Variants in ARID1A observed in about 807,000 individuals in gnomAD.
ARID1A encodes the protein AT-rich interaction domain 1A.
A neutral mutation model predicts 212.6 loss-of-function variants in ARID1A; 20 were observed. The ratio of observed to expected loss-of-function variants is 0.09; its 90% CI spans 0.07 to 0.14. The LOEUF (loss-of-function observed/expected upper bound fraction) is 0.14, where lower values mean the gene tolerates loss of function less well. Ranked by LOEUF, ARID1A falls within the 10% of genes least tolerant of loss-of-function variation. ARID1A has a pLI of 1.00. For missense variants in ARID1A, 2,587 were observed against 3,059.0 expected (o/e 0.85, Z 3.64); for synonymous variants, 1,376 against 1,222.1 (o/e 1.13, Z -2.63).
chr1:26,766,710 C>T, intron 10 of ARID1A, 144 bp downstream of exon 10: 1 of 867,814 alleles, frequency 1.2e-6, no homozygotes, highest in Non-Finnish European at 1.7e-6. Flanking sequence ...GTTGCCTCCT[C>T]TTATCATGAA....
chr1:26,724,164 G>A (rs1171277824), intron 1 of ARID1A, among the ~76,000 whole-genome samples: 2 of 152,094 alleles, frequency 1.3e-5, no homozygotes, highest in African/African-American at 2.4e-5. Context: ...ATACTTAAAT[G>A]TCCAAAAGCC....
Position 26,780,861 on chromosome 1 carries a change from AC to A in ARID1A, c.*108del, listed in dbSNP as rs1239740672. 1.6e-5 allele frequency: 23 copies of A among 1,436,840 alleles called. No individual in the cohort carries two copies. The African/African-American group carries it at 3.1e-4, about 20-fold the overall frequency. The allele number at this position is 1,436,840 out of a possible 1,614,324, so 89.0% of individuals were successfully genotyped here. A position where few individuals can be genotyped will look rare whatever the true frequency, so the allele number is the denominator to read the frequency against. Reference sequence around the variant, plus strand: ...GCAAAACCACCTCAGAATCCAGTTTACCCTGTGCTGTCCAGCTTCTCCCTTG... The same window carrying A: ...GCAAAACCACCTCAGAATCCAGTTTACCTGTGCTGTCCAGCTTCTCCCTTG... On this transcript the variant is annotated 3_prime_UTR_variant, in exon 20 of 20. Coordinates refer to ENST00000324856, the MANE Select transcript of ARID1A (RefSeq NM_006015.6). This position sits in a 1 kb window ranked among gnomAD's most constrained non-coding sequence, Gnocchi z 7.2.
In ARID1A at chr1:26,696,117, A is replaced by T. The variant is rs1570537355; in HGVS notation, c.-287A>T. ...CATTCCCAGGCAAGGGCTTGGGGGG[A>T]ATGAGCCGGGAGAGCCGGGTCCCGA... On this transcript the variant is annotated 5_prime_UTR_variant, in exon 1 of 20. Coordinates refer to ENST00000324856, the MANE Select transcript of ARID1A (RefSeq NM_006015.6). 2 of 463,970 alleles carry T rather than the reference A, an allele frequency of 4.3e-6. No homozygotes were observed. Among genetic ancestry groups the T allele is most frequent in the East Asian group, 1.2e-4 (2 of 16,166 alleles). The allele number at this position is 463,970 out of a possible 1,614,324, so 28.7% of individuals were successfully genotyped here. A position where few individuals can be genotyped will look rare whatever the true frequency, so the allele number is the denominator to read the frequency against.
At chr1:26,775,476 C>A (rs2081126422) in intron 18 of ARID1A, 101 bp from the exon 19 acceptor site, 1 of 1,521,148 alleles carries the variant, frequency 6.6e-7, no homozygotes, top group Non-Finnish European at 8.8e-7. Context: ...CTGCCTTCCA[C>A]CTTGTGTTAT....
At chr1:26,760,625 G>A (rs916971632) in intron 4 of ARID1A, among the ~76,000 whole-genome samples, 3 of 151,924 alleles carry the variant, frequency 2.0e-5, no homozygotes, top group Non-Finnish European at 4.4e-5. Context: ...GGAGTCAGAG[G>A]TTGCGATGAG....
At position 26,696,495 on chromosome 1, in the gene ARID1A, A is replaced by G; in HGVS notation, c.92A>G (p.Gln31Arg). ...GAGCTGAAGAAAGCCGAGCAGCAGC[A>G]GCGGGAGGAGGCGGGGGGCGAGGCG... ...PSELKKAEQQ[Q>R]REEAGGEAAA... The change falls in exon 1 of 20, where the codon CAG (glutamine) becomes CGG (arginine). Residue 31 changes from glutamine to arginine, a missense_variant. Physicochemically the swap from Gln to Arg is conservative, Grantham distance 43. Transcript: ENST00000324856. 8.1e-7 allele frequency: 1 copy of G among 1,238,358 alleles called. No individual in the cohort carries two copies. The highest frequency in any genetic ancestry group is 1.0e-6 in the Non-Finnish European group (1 of 993,180). 76.7% of individuals were successfully genotyped at this position (1,238,358 alleles called of 1,614,324 possible).
chr1:26,725,881 G>A (rs555778491), intron 1 of ARID1A, among the ~76,000 whole-genome samples: 34 of 140,898 alleles, frequency 2.4e-4, no homozygotes, highest in Non-Finnish European at 4.7e-4. Flanking sequence ...TTGAGACAGA[G>A]TCCCACTCTG....
At chr1:26,732,437 C>A (rs548890133) in intron 3 of ARID1A, among the ~76,000 whole-genome samples, 163 of 152,308 alleles carry the variant, frequency 1.1e-3, no homozygotes, top group African/African-American at 3.9e-3. Context: ...TAGCATTTAA[C>A]CCCAAGAAAC....
chr1:26,699,878 T>C (rs2080315906), intron 1 of ARID1A, among the ~76,000 whole-genome samples: 1 of 152,230 alleles, frequency 6.6e-6, no homozygotes, highest in Admixed American at 6.5e-5. Context: ...TTTGGTATAA[T>C]GATTTTTGTT....
intron 1 of ARID1A, among the ~76,000 whole-genome samples, chr1:26,724,516 G>C (rs2080598323): frequency 6.6e-6 from 1 of 152,184 alleles, no homozygotes; most frequent in African/African-American, 2.4e-5. Context: ...GAAGTTTTGA[G>C]TTCTTGGCTC....
At chr1:26,711,233 C>T (rs183765366) in intron 1 of ARID1A, among the ~76,000 whole-genome samples, 383 of 152,010 alleles carry the variant, frequency 2.5e-3, no homozygotes, top group Non-Finnish European at 4.4e-3. Context: ...CTCAGCCTCT[C>T]GTAGCTGGGA....
In ARID1A at chr1:26,771,336, G is replaced by A. The variant is rs2081081065; in HGVS notation, c.3406+10G>A. On this transcript the variant is annotated intron_variant, in intron 12 of 19. Coordinates refer to ENST00000324856, the MANE Select transcript of ARID1A (RefSeq NM_006015.6). The surrounding 1 kb of genome is among the most constrained non-coding windows in gnomAD (Gnocchi z 5.4). ...CAGCCTCCCTCTCCTGGTAAGGATG[G>A]GGTCAGCGGCCCCACCAAGGCTGAG... 1 of 1,613,780 alleles carries A rather than the reference G, an allele frequency of 6.2e-7. No individual in the cohort carries two copies. Among genetic ancestry groups the A allele is most frequent in the Non-Finnish European group, 8.5e-7 (1 of 1,179,852 alleles).
At chr1:26,745,480 C>T (rs1319268170) in intron 4 of ARID1A, among the ~76,000 whole-genome samples, 6 of 152,160 alleles carry the variant, frequency 3.9e-5, no homozygotes, top group Admixed American at 1.3e-4. Context: ...TTGGAAATTT[C>T]GTTTTTAAGC....
chr1:26,736,921 A>C (rs1012423022), intron 4 of ARID1A, among the ~76,000 whole-genome samples: 3 of 151,640 alleles, frequency 2.0e-5, no homozygotes, highest in South Asian at 2.1e-4. Context: ...AAAAAAAAAA[A>C]ACCCTGCACA....
rs2124145942 is a variant in ARID1A, at chr1:26,780,018, G to T, written c.6120G>T (p.Gly2040=). ...AAAAGGAGGAGGAACAGGACCAAGG[G>T]GTGAGCTGCAACAAAGTGGAGTGGT... is the stretch of plus-strand genomic sequence containing the variant. ...TYEKEEEQDQ[G]VSCNKVEWWW... is the part of the protein sequence containing the mutation. Residue 2040 remains glycine (G), a synonymous_variant, in exon 20 of 20, where the codon GGG becomes GGT. Transcript: ENST00000324856. This position sits in a 1 kb window ranked among gnomAD's most constrained non-coding sequence, Gnocchi z 7.2. The T allele has an allele frequency of 6.2e-7, 1 of 1,614,152 alleles. No individual in the cohort carries two copies.
intron 1 of ARID1A, among the ~76,000 whole-genome samples, chr1:26,715,761 T>C (rs2080496491): frequency 6.6e-6 from 1 of 152,132 alleles, no homozygotes; most frequent in South Asian, 2.1e-4. Context: ...TAATCTCAGC[T>C]ACTGCAGAGG....
At chr1:26,770,245 C>G (rs2081072130) in intron 11 of ARID1A, 2 of 151,962 alleles carry the variant, frequency 1.3e-5, no homozygotes, top group South Asian at 4.2e-4. Flanking sequence ...CCCGGACCAT[C>G]AGGACAGTGA....
chr1:26,704,164 C>A (rs530240181), intron 1 of ARID1A, among the ~76,000 whole-genome samples: 1 of 152,304 alleles, frequency 6.6e-6, no homozygotes, highest in Non-Finnish European at 1.5e-5. Context: ...GGACTCTAAC[C>A]ATAAAACTCC....
At chr1:26,744,504 A>G (rs2080818092) in intron 4 of ARID1A, among the ~76,000 whole-genome samples, 3 of 152,112 alleles carry the variant, frequency 2.0e-5, no homozygotes, top group African/African-American at 7.2e-5. Context: ...CACCGTTTGA[A>G]TTTTACCTTG....
Sources: allele counts gnomAD v4.1 joint callset (sites outside exome capture counted in the v4.1 genomes callset), GRCh38; gene constraint gnomAD v4.1.1; non-coding constraint Gnocchi (gnomAD v3.1); transcripts MANE v1.5; gene names NCBI Gene and HGNC (gene_info 2026-07-23, HGNC 2026-07-21).